ITSN1: variants seen among roughly 807,000 people sequenced by gnomAD.
ITSN1 encodes intersectin-1.
Under a neutral mutation model 239.8 loss-of-function variants are expected in ITSN1, and 58 were observed. The ratio of observed to expected loss-of-function variants is 0.24; its 90% CI spans 0.20 to 0.30. The LOEUF (loss-of-function observed/expected upper bound fraction) is 0.30. Ranked by LOEUF, ITSN1 falls within the 10% of genes least tolerant of loss-of-function variation. The probability of loss-of-function intolerance (pLI) is 1.00; values close to 1 mark genes in which losing one functional copy is unlikely to be tolerated. For synonymous variants in ITSN1, 780 were observed against 770.8 expected (o/e 1.01, Z -0.20); for missense variants, 1,558 against 2,103.3 (o/e 0.74, Z 5.07).
chr21:33,683,452 T>C (rs1601617480), intron 1 of ITSN1, among the ~76,000 whole-genome samples: 1 of 152,188 alleles, frequency 6.6e-6, no homozygotes, highest in African/African-American at 2.4e-5. Flanking sequence ...AAGCAAGCCA[T>C]TGTACAAGTT....
rs1403388584 is a variant in ITSN1, at chr21:33,894,179, C to A, written c.*5879C>A. 1 of 152,220 alleles carries A rather than the reference C, an allele frequency of 6.6e-6. No individual in the cohort carries two copies. Among genetic ancestry groups the A allele is most frequent in the African/African-American group, 2.4e-5 (1 of 41,438 alleles). 9.4% of individuals were successfully genotyped at this position (152,220 alleles called of 1,614,324 possible). A position where few individuals can be genotyped will look rare whatever the true frequency, so the allele number is the denominator to read the frequency against. The stretch of plus-strand genomic sequence containing the variant: ...GCCATTGCTTTTGATGGCAAACTAA[C>A]TTTAAGTCATTAAAATAAGACCCAA... On this transcript the variant is annotated 3_prime_UTR_variant, in exon 40 of 40. Coordinates refer to ENST00000381318, the MANE Select transcript of ITSN1 (RefSeq NM_003024.3).
At chr21:33,812,629 G>T (rs1030890294) in intron 21 of ITSN1, among the ~76,000 whole-genome samples, 1 of 152,100 alleles carries the variant, frequency 6.6e-6, no homozygotes, top group Non-Finnish European at 1.5e-5. Flanking sequence ...CTCCTAAGTA[G>T]CTGGGCCTAC....
rs572025080 is a variant in ITSN1 at position 33,653,960 on chromosome 21, T to C, written c.-33+11247T>C. 5.3e-5 allele frequency among the ~76,000 whole-genome samples: 8 copies of C among 152,194 alleles called. No individual in the cohort carries two copies. In the South Asian group the frequency reaches 1.2e-3, roughly 24 times the overall value. The stretch of plus-strand genomic sequence containing the variant: ...CATGAGCCACCATAACTTGTATTTG[T>C]TTATTGGCATGGAACTTCTAAAACA... On this transcript the variant is annotated intron_variant, in intron 1 of 39. Coordinates refer to ENST00000381318, the MANE Select transcript of ITSN1 (RefSeq NM_003024.3).
At chr21:33,847,211 G>A (rs375250158) in intron 29 of ITSN1, among the ~76,000 whole-genome samples, 1 of 152,202 alleles carries the variant, frequency 6.6e-6, no homozygotes, top group African/African-American at 2.4e-5. Context: ...AGCTGGTCTG[G>A]CCTCCAGAGC....
intron 24 of ITSN1, among the ~76,000 whole-genome samples, chr21:33,820,763 T>C (rs1009326851): frequency 6.6e-6 from 1 of 152,250 alleles, no homozygotes; most frequent in African/African-American, 2.4e-5. Context: ...TTAATGACTT[T>C]TTATCCACTG....
At chr21:33,771,318 A>C (rs765908869) in intron 11 of ITSN1, among the ~76,000 whole-genome samples, 6 of 152,200 alleles carry the variant, frequency 3.9e-5, no homozygotes, top group Non-Finnish European at 8.8e-5. Context: ...AGGGACTGGC[A>C]TGCTGCACAG....
chr21:33,819,321 A>G lies in ITSN1; in HGVS notation c.3014A>G (p.Glu1005Gly). ...GCAGCCAAGCCGGTCGTTTCGGGAG[A>G]AGGTGAGGGCCTGAGTTGTATTATG... ...SPAAKPVVSG[E>G]EFIAMYTYES... The change falls in exon 24 of 40, where the codon GAA (glutamate) becomes GGA (glycine). Residue 1005 changes from glutamate (E) to glycine (G), a missense_variant and splice_region_variant. By Grantham distance (98) the Glu-to-Gly change is moderately conservative. Around this residue, in one of 2 missense-constraint regions of ITSN1, gnomAD observed 982 missense variants for 1,209.9 expected, o/e 0.81. Transcript: ENST00000381318. 6.2e-7 allele frequency: 1 copy of G among 1,612,808 alleles called. No individual in the cohort carries two copies. Among genetic ancestry groups the G allele is most frequent in the Middle Eastern group, 1.6e-4 (1 of 6,062 alleles).
intron 1 of ITSN1, among the ~76,000 whole-genome samples, chr21:33,677,841 C>A (rs985038309): frequency 6.6e-6 from 1 of 152,300 alleles, no homozygotes; most frequent in African/African-American, 2.4e-5. Flanking sequence ...CTGAGTCTGA[C>A]CACTCCTAAT....
At chr21:33,645,475 TAA>T (rs200134592) in intron 1 of ITSN1, among the ~76,000 whole-genome samples, 1 of 149,962 alleles carries the variant, frequency 6.7e-6, no homozygotes, top group Non-Finnish European at 1.5e-5. Context: ...ACCTGGTCTC[TAA>T]AAAAAAATTT....
At chr21:33,875,262 C>T (rs1240698826) in intron 33 of ITSN1, 92 bp from the exon 34 acceptor site, 1 of 1,426,120 alleles carries the variant, frequency 7.0e-7, no homozygotes, top group African/African-American at 1.4e-5. Context: ...GGATGGTGCC[C>T]TGCCCCGCTG....
intron 1 of ITSN1, among the ~76,000 whole-genome samples, chr21:33,650,841 A>G (rs2088453058): frequency 6.6e-6 from 1 of 152,268 alleles, no homozygotes. Context: ...TGCACTTAAT[A>G]TAAAGAGCTA....
intron 31 of ITSN1, among the ~76,000 whole-genome samples, chr21:33,861,010 A>G (rs139277181): frequency 2.2e-4 from 33 of 152,202 alleles, no homozygotes; most frequent in African/African-American, 7.9e-4. Context: ...TGATTCCCGG[A>G]TTAGCTTGTT....
intron 33 of ITSN1, among the ~76,000 whole-genome samples, chr21:33,868,840 G>A (rs965061528): frequency 9.2e-5 from 14 of 152,202 alleles, no homozygotes; most frequent in African/African-American, 1.7e-4. Flanking sequence ...CACCGAGAGC[G>A]AGCGAGGGCT....
At chr21:33,826,970 T>C (rs2074007313) in intron 26 of ITSN1, 107 bp downstream of exon 26, 1 of 908,058 alleles carries the variant, frequency 1.1e-6, no homozygotes, top group Non-Finnish European at 1.8e-6. Flanking sequence ...AAAGAATCTT[T>C]CCTAAGAGTG....
intron 29 of ITSN1, among the ~76,000 whole-genome samples, chr21:33,849,432 G>A (rs2075087831): frequency 1.3e-5 from 2 of 151,976 alleles, no homozygotes; most frequent in African/African-American, 4.8e-5. Flanking sequence ...TGGGCGTGGT[G>A]GCGCATGCCT....
intron 5 of ITSN1, among the ~76,000 whole-genome samples, chr21:33,749,260 G>A (rs2067391806): frequency 6.6e-6 from 1 of 152,070 alleles, no homozygotes; most frequent in Admixed American, 6.5e-5. Context: ...AAAGTAGTGA[G>A]TTTACAGGCA....
chr21:33,780,916 T>G (rs941339317), intron 14 of ITSN1, among the ~76,000 whole-genome samples: 2 of 152,346 alleles, frequency 1.3e-5, no homozygotes, highest in South Asian at 2.1e-4. Context: ...TTTGTGTACC[T>G]GTTTAAAATT....
At chr21:33,778,879 A>G (rs1250758350) in intron 14 of ITSN1, among the ~76,000 whole-genome samples, 1 of 152,060 alleles carries the variant, frequency 6.6e-6, no homozygotes, top group Non-Finnish European at 1.5e-5. Flanking sequence ...CGCCCGGCCT[A>G]TAATATTCTC....
At chr21:33,887,304 G>A (rs1302469411) in intron 39 of ITSN1, among the ~76,000 whole-genome samples, 2 of 136,848 alleles carry the variant, frequency 1.5e-5, no homozygotes, top group Admixed American at 7.4e-5. Context: ...GGGCAACAGA[G>A]CAAGATCCTG....
Sources: gnomAD v4.1 joint callset for allele counts (sites outside exome capture counted in the v4.1 genomes callset) on GRCh38, gnomAD v4.1.1 for gene constraint, gnomAD v4.1.1 regional missense constraint, MANE v1.5 for transcripts, NCBI Gene and HGNC (gene_info 2026-07-23, HGNC 2026-07-21) for gene names.